The following PODNL1 variants were observed in gnomAD, a reference collection of about 807,000 sequenced individuals.
PODNL1 encodes the protein podocan-like protein 1.
PODNL1 carries 50 observed loss-of-function variants against 45.1 expected under a neutral mutation model. That is an observed-to-expected ratio of 1.11 (90% CI 0.88 to 1.40). The LOEUF is 1.40. Among genes scored for constraint, PODNL1 ranks in the 40% most tolerant of loss-of-function variants. PODNL1 has a pLI of 0.00. For synonymous variants in PODNL1, 406 were observed against 372.5 expected (o/e 1.09, Z -1.04); for missense variants, 788 against 793.3 (o/e 0.99, Z 0.08).
intron 1 of PODNL1, among the ~76,000 whole-genome samples, chr19:13,950,396 G>A (rs573950182): frequency 6.6e-6 from 1 of 151,934 alleles, no homozygotes; most frequent in Non-Finnish European, 1.5e-5. Context: ...TCTTGATCTC[G>A]TGGGTTCAAG....
chr19:13,947,091 T>C (rs1972844895), intron 1 of PODNL1, among the ~76,000 whole-genome samples: 1 of 144,104 alleles, frequency 6.9e-6, no homozygotes, highest in South Asian at 2.2e-4. Flanking sequence ...TTATAATAAT[T>C]GTTGTAGGCG....
In PODNL1 at chr19:13,933,136, C is replaced by T. The variant is rs200487966; in HGVS notation, c.1087G>A (p.Val363Met). The change falls in exon 8 of 10, where the codon GTG becomes ATG. Residue 363 changes from valine (V) to methionine (M), a missense_variant. By Grantham distance (21) the Val-to-Met change is conservative (BLOSUM62 1). This residue lies in a region of PODNL1 where 762 missense variants were observed against 750.9 expected (regional missense o/e 1.01). Transcript: ENST00000588872. This position sits in a 1 kb window ranked among gnomAD's most constrained non-coding sequence, Gnocchi z 5.2. ...LRALVLPHNH[V>M]AALGARDLVA... Reference sequence around the variant, plus strand: ...AGGTCACGGGCACCCAGCGCGGCCACGTGGTTGTGGGGCAGCACCAGGGCA... The same window carrying T: ...AGGTCACGGGCACCCAGCGCGGCCATGTGGTTGTGGGGCAGCACCAGGGCA... 46 of 1,528,456 alleles carry T rather than the reference C, an allele frequency of 3.0e-5. No homozygotes were observed. In the East Asian group the frequency reaches 7.6e-4, roughly 25 times the overall value. 94.7% of individuals were successfully genotyped at this position (1,528,456 alleles called of 1,614,324 possible).
rs1971942791 is a variant in PODNL1 at position 13,931,583 on chromosome 19, G to A, written c.*154C>T. 1 of 799,032 alleles carries A rather than the reference G, an allele frequency of 1.3e-6. No homozygotes were observed. The highest frequency in any genetic ancestry group is 1.8e-5 in the African/African-American group (1 of 56,054). 49.5% of individuals were successfully genotyped at this position (799,032 alleles called of 1,614,324 possible). ...TGTGAGCCTGGAGTATGCCAGCTGT[G>A]TGCCTCTGTGTCTCGGCCAGTGGCA... On this transcript the variant is annotated 3_prime_UTR_variant, in exon 10 of 10. Transcript: ENST00000588872.
rs781501108 is a variant in PODNL1 at position 13,932,914 on chromosome 19, G to A, written c.1309C>T (p.Leu437Phe). Residue 437 changes from leucine to phenylalanine, a missense_variant, in exon 8 of 10, where the codon CTC (leucine) becomes TTC (phenylalanine). Coordinates refer to ENST00000588872, the MANE Select transcript of PODNL1 (RefSeq NM_001370095.3). The stretch of plus-strand genomic sequence containing the variant: ...AGGCCGGCCAGAGGCTCGGGCTCGA[G>A]CATCCGCAGCTGGTTGCGTTGCAGC... The part of the protein sequence containing the change: ...LQLQRNQLRM[L>F]EPEPLAGLDQ... 1 of 1,583,026 alleles carries A rather than the reference G, an allele frequency of 6.3e-7. No individual in the cohort carries two copies. The highest frequency in any genetic ancestry group is 1.1e-5 in the South Asian group (1 of 88,468).
Position 13,933,479 on chromosome 19 carries a change from T to G in PODNL1, c.768-24A>C. The G allele has an allele frequency of 3.9e-6, 6 of 1,529,478 alleles. No individual in the cohort carries two copies. The South Asian group carries it at 7.5e-5, about 19-fold the overall frequency. The allele number at this position is 1,529,478 out of a possible 1,614,324, so 94.7% of individuals were successfully genotyped here. ...TGCTGGAAGGAGAGAGGGTCGGTGT[T>G]AGGTGGGGCACTTGGAGTGGGGTGC... On this transcript the variant is annotated intron_variant, in intron 7 of 9. Transcript: ENST00000588872. The surrounding 1 kb of genome is among the most constrained non-coding windows in gnomAD (Gnocchi z 5.2).
intron 8 of PODNL1, 53 bp downstream of exon 8, chr19:13,932,745 C>G (rs1972033801): frequency 6.2e-7 from 1 of 1,611,760 alleles, no homozygotes; most frequent in South Asian, 1.1e-5. Flanking sequence ...GCAGGGCAGG[C>G]AGGGGGATGG....
chr19:13,952,457 C>A, intron 1 of PODNL1: 1 of 1,245,252 alleles, frequency 8.0e-7, no homozygotes, highest in Non-Finnish European at 1.0e-6. Flanking sequence ...AATGAGGAGG[C>A]GGCAGGGGTG....
At chr19:13,939,978 T>C (rs2145448141), upstream of PODNL1, 2 of 151,956 alleles carry the variant, frequency 1.3e-5, 1 homozygote, top group Admixed American at 1.3e-4. Flanking sequence ...GGGCTCAAGT[T>C]TGAGGTTACA....
chr19:13,938,701 T>C (rs1357640895), upstream of PODNL1, among the ~76,000 whole-genome samples: 5 of 152,240 alleles, frequency 3.3e-5, no homozygotes, highest in East Asian at 9.7e-4. Context: ...CCAGGTCTGC[T>C]GCCCGGCACC....
intron 1 of PODNL1, among the ~76,000 whole-genome samples, chr19:13,944,719 G>T (rs1007648817): frequency 6.6e-6 from 1 of 151,724 alleles, no homozygotes; most frequent in East Asian, 1.9e-4. Flanking sequence ...GCCTTCCAAA[G>T]TACTGGATTA....
chr19:13,938,042 G>T, intron 1 of PODNL1, 36 bp from the exon 2 acceptor site: 1 of 1,460,458 alleles, frequency 6.8e-7, no homozygotes, highest in Non-Finnish European at 9.2e-7. Flanking sequence ...TCTCCAGGCT[G>T]GGCGCAGGGT....
At chr19:13,950,350 G>C (rs540485237) in intron 1 of PODNL1, among the ~76,000 whole-genome samples, 2 of 151,946 alleles carry the variant, frequency 1.3e-5, no homozygotes, top group African/African-American at 4.8e-5. Flanking sequence ...TTGATGTTTT[G>C]TAGAGATGAG....
intron 1 of PODNL1, chr19:13,952,542 C>T (rs1482471709): frequency 2.4e-6 from 3 of 1,259,976 alleles, no homozygotes; most frequent in Non-Finnish European, 3.0e-6. Context: ...CGGAGCGGAA[C>T]AGCGGGGCTG....
intron 2 of PODNL1, 98 bp from the exon 3 acceptor site, chr19:13,936,558 T>A (rs1315877817): frequency 7.9e-6 from 7 of 890,674 alleles, no homozygotes; most frequent in Non-Finnish European, 1.3e-5. Context: ...ACCAGCCCCA[T>A]ACCATCATCA....
chr19:13,947,717 G>A (rs900832072), intron 1 of PODNL1, among the ~76,000 whole-genome samples: 5 of 152,036 alleles, frequency 3.3e-5, no homozygotes, highest in Non-Finnish European at 7.4e-5. Flanking sequence ...TCAAAAAATG[G>A]CACTAACATT....
upstream of PODNL1, among the ~76,000 whole-genome samples, chr19:13,943,181 A>T (rs1972708374): frequency 1.3e-5 from 2 of 151,948 alleles, no homozygotes; most frequent in African/African-American, 4.8e-5. Context: ...CTGTAATCCC[A>T]GCTACTCAGG....
Position 13,931,493 on chromosome 19 carries a change from T to C in PODNL1, c.*244A>G. 1 of 397,300 alleles carries C rather than the reference T, an allele frequency of 2.5e-6. No individual in the cohort carries two copies. The highest frequency in any genetic ancestry group is 4.4e-6 in the Non-Finnish European group (1 of 229,330). The allele number at this position is 397,300 out of a possible 1,614,324, so 24.6% of individuals were successfully genotyped here. A position where few individuals can be genotyped will look rare whatever the true frequency, so the allele number is the denominator to read the frequency against. On this transcript the variant is annotated 3_prime_UTR_variant, in exon 10 of 10. Coordinates refer to ENST00000588872, the MANE Select transcript of PODNL1 (RefSeq NM_001370095.3). Reference sequence around the variant, plus strand: ...TGAGTGCTGGAAGGGTTTGGCTTTATTGTTGCTGCCTCCATCTGTGTTGGG... The same window carrying C: ...TGAGTGCTGGAAGGGTTTGGCTTTACTGTTGCTGCCTCCATCTGTGTTGGG...
At chr19:13,936,122 A>G (rs1972333569) in intron 3 of PODNL1, 78 bp from the exon 4 acceptor site, 1 of 1,307,436 alleles carries the variant, frequency 7.6e-7, no homozygotes, top group East Asian at 2.5e-5. Flanking sequence ...CAGCTGCCCC[A>G]GGACTCTCGG....
rs1186845474 is a variant in PODNL1, at chr19:13,931,350, C to G, written c.*387G>C. 1.0e-5 allele frequency: 2 copies of G among 190,766 alleles called. No homozygotes were observed. Among genetic ancestry groups the G allele is most frequent in the Non-Finnish European group, 2.1e-5 (2 of 94,126 alleles). 11.8% of individuals were successfully genotyped at this position (190,766 alleles called of 1,614,324 possible). A position where few individuals can be genotyped will look rare whatever the true frequency, so the allele number is the denominator to read the frequency against. ...TGTTTGGTGACCCCAGTGTGTGCCTCAAGACCTCAAAATTCAGTCCTGACC... is the reference window on the plus strand; with the variant it reads ...TGTTTGGTGACCCCAGTGTGTGCCTGAAGACCTCAAAATTCAGTCCTGACC... On this transcript the variant is annotated 3_prime_UTR_variant, in exon 10 of 10. Transcript: ENST00000588872.
Sources: allele counts gnomAD v4.1 joint callset (sites outside exome capture counted in the v4.1 genomes callset), GRCh38; gene constraint gnomAD v4.1.1; regional missense constraint gnomAD v4.1.1; non-coding constraint Gnocchi (gnomAD v3.1); transcripts MANE v1.5; gene names NCBI Gene and HGNC (gene_info 2026-07-23, HGNC 2026-07-21).